TTC28: variants seen among roughly 807,000 people sequenced by gnomAD.
TTC28 encodes the protein tetratricopeptide repeat domain 28.
A neutral mutation model predicts 198.0 loss-of-function variants in TTC28; 61 were observed. The ratio of observed to expected loss-of-function variants is 0.31; its 90% CI spans 0.25 to 0.38. TTC28 has a LOEUF of 0.38. Ranked by LOEUF, TTC28 falls within the 10% of genes least tolerant of loss-of-function variation. The probability of loss-of-function intolerance (pLI) is 1.00; values close to 1 mark genes in which losing one functional copy is unlikely to be tolerated. For missense variants in TTC28, 2,678 were observed against 3,164.0 expected, an observed-to-expected ratio of 0.85 and a Z score of 3.69; for synonymous variants, 1,171 against 1,297.8, an observed-to-expected ratio of 0.90 and a Z score of 2.10.
intron 2 of TTC28, among the ~76,000 whole-genome samples, chr22:28,481,174 T>C (rs2048242201): frequency 2.0e-5 from 3 of 152,240 alleles, no homozygotes; most frequent in African/African-American, 7.2e-5. Flanking sequence ...TTTAAAAGAA[T>C]GAAATGTTTC....
chr22:28,014,022 C>G (rs969866143), intron 14 of TTC28, among the ~76,000 whole-genome samples: 15 of 152,196 alleles, frequency 9.9e-5, no homozygotes, highest in Admixed American at 3.9e-4. Context: ...AGATTTGCAA[C>G]TTAAAGCTCA....
chr22:28,518,931 A>C (rs1391815858), intron 2 of TTC28, among the ~76,000 whole-genome samples: 1 of 152,220 alleles, frequency 6.6e-6, no homozygotes, highest in Non-Finnish European at 1.5e-5. Context: ...TTTTCTTGTC[A>C]ACTGTGTTGA....
chr22:28,659,257 T>G (rs2051705577), intron 1 of TTC28, among the ~76,000 whole-genome samples: 1 of 152,164 alleles, frequency 6.6e-6, no homozygotes, highest in South Asian at 2.1e-4. Flanking sequence ...CTTACAAGGG[T>G]AAGAAACGGA....
intron 6 of TTC28, among the ~76,000 whole-genome samples, chr22:28,155,553 AAG>A: frequency 6.6e-6 from 1 of 152,348 alleles, no homozygotes; most frequent in South Asian, 2.1e-4. Context: ...TATTGTTACT[AAG>A]AGAGGCTTCA....
At chr22:28,571,094 A>G (rs562624409) in intron 2 of TTC28, among the ~76,000 whole-genome samples, 5 of 152,338 alleles carry the variant, frequency 3.3e-5, no homozygotes, top group South Asian at 2.1e-4. Context: ...TGAGGAAAGC[A>G]TATGTCCTGA....
At chr22:28,670,576 G>A (rs2051862488) in intron 1 of TTC28, among the ~76,000 whole-genome samples, 1 of 151,882 alleles carries the variant, frequency 6.6e-6, no homozygotes, top group African/African-American at 2.4e-5. Flanking sequence ...AAAATATTTT[G>A]TTTATCCAGT....
chr22:28,334,381 T>A (rs1372285649), intron 2 of TTC28, among the ~76,000 whole-genome samples: 2 of 152,222 alleles, frequency 1.3e-5, no homozygotes, highest in African/African-American at 2.4e-5. Flanking sequence ...ATGGGATGGC[T>A]GGGTCAAACG....
At chr22:28,168,723 A>G (rs1196325248) in intron 5 of TTC28, among the ~76,000 whole-genome samples, 1 of 152,242 alleles carries the variant, frequency 6.6e-6, no homozygotes, top group Non-Finnish European at 1.5e-5. Context: ...AAAACCCTAG[A>G]AGAAAACCTA....
At chr22:28,246,090 C>T (rs1312700453) in intron 5 of TTC28, among the ~76,000 whole-genome samples, 1 of 152,128 alleles carries the variant, frequency 6.6e-6, no homozygotes, top group Non-Finnish European at 1.5e-5. Context: ...GGTAGAAAAA[C>T]TTCATCTTTA....
At chr22:28,674,772 T>C (rs1473435590) in intron 1 of TTC28, among the ~76,000 whole-genome samples, 1 of 135,782 alleles carries the variant, frequency 7.4e-6, no homozygotes. Flanking sequence ...TGAGCCAAGA[T>C]CACACCACTG....
chr22:28,425,861 G>A (rs184647270), intron 2 of TTC28, among the ~76,000 whole-genome samples: 81 of 152,154 alleles, frequency 5.3e-4, no homozygotes, highest in Admixed American at 1.4e-3. Flanking sequence ...GCTCTCCCTC[G>A]AGGTCCATTT....
intron 2 of TTC28, among the ~76,000 whole-genome samples, chr22:28,428,859 C>T (rs1315795475): frequency 1.3e-5 from 2 of 151,928 alleles, no homozygotes; most frequent in Non-Finnish European, 2.9e-5. Flanking sequence ...CCAGGATGGT[C>T]TCGATCTCCT....
At chr22:28,090,243 C>G (rs930263362) in intron 12 of TTC28, among the ~76,000 whole-genome samples, 4 of 151,768 alleles carry the variant, frequency 2.6e-5, no homozygotes, top group Non-Finnish European at 5.9e-5. Flanking sequence ...AAAATATAGC[C>G]TAGTCTCCTT....
chr22:28,190,675 T>A (rs141327039), intron 5 of TTC28, among the ~76,000 whole-genome samples: 1 of 152,354 alleles, frequency 6.6e-6, no homozygotes, highest in African/African-American at 2.4e-5. Flanking sequence ...CTGACCCATA[T>A]TCCCACATAG....
intron 2 of TTC28, among the ~76,000 whole-genome samples, chr22:28,431,173 G>A (rs1319239862): frequency 1.3e-5 from 2 of 151,818 alleles, no homozygotes; most frequent in African/African-American, 4.8e-5. Flanking sequence ...CAGGTATTTG[G>A]GGACTTGCCT....
intron 5 of TTC28, among the ~76,000 whole-genome samples, chr22:28,179,068 A>C (rs1923448883): frequency 6.6e-6 from 1 of 152,208 alleles, no homozygotes; most frequent in Non-Finnish European, 1.5e-5. Context: ...GATCTGTAAC[A>C]AGAACAACAA....
intron 2 of TTC28, among the ~76,000 whole-genome samples, chr22:28,359,555 A>G (rs2046127431): frequency 6.6e-6 from 1 of 152,200 alleles, no homozygotes; most frequent in African/African-American, 2.4e-5. Context: ...CTTAGTATCT[A>G]ACACATTTGG....
chr22:28,246,785 G>A (rs1930134154), intron 5 of TTC28, among the ~76,000 whole-genome samples: 1 of 152,066 alleles, frequency 6.6e-6, no homozygotes, highest in Non-Finnish European at 1.5e-5. Context: ...TTCTTAGTGT[G>A]CTATGGGGCC....
chr22:28,632,912 G>A (rs2051202757), intron 1 of TTC28, among the ~76,000 whole-genome samples: 1 of 151,812 alleles, frequency 6.6e-6, no homozygotes, highest in Non-Finnish European at 1.5e-5. Flanking sequence ...GACTGCTTGA[G>A]CCCAGGAGTT....
Sources: gnomAD v4.1 joint callset for allele counts (sites outside exome capture counted in the v4.1 genomes callset) on GRCh38, gnomAD v4.1.1 for gene constraint, MANE v1.5 for transcripts, NCBI Gene and HGNC (gene_info 2026-07-23, HGNC 2026-07-21) for gene names.